Variants in MRPS9 observed in about 807,000 individuals in gnomAD.
MRPS9 encodes mitochondrial ribosomal protein S9.
A neutral mutation model predicts 59.9 loss-of-function variants in MRPS9; 45 were observed. That is an observed-to-expected ratio of 0.75 (90% CI 0.59 to 0.96). The LOEUF is 0.96. Among genes scored for constraint, MRPS9 ranks in the 40% least tolerant of loss-of-function variants. MRPS9 has a pLI of 0.00. For missense variants in MRPS9, 473 were observed against 481.1 expected, an observed-to-expected ratio of 0.98 and a Z score of 0.16; for synonymous variants, 171 against 166.8, an observed-to-expected ratio of 1.03 and a Z score of -0.19.
chr2:105,091,311 C>A (rs1205473379), intron 7 of MRPS9: 1 of 470,920 alleles, frequency 2.1e-6, no homozygotes, highest in Admixed American at 2.3e-5. Context: ...ACCCATAGTG[C>A]CCCTTTGTAG....
intron 2 of MRPS9, among the ~76,000 whole-genome samples, chr2:105,057,054 A>G (rs1679804031): frequency 6.6e-6 from 1 of 152,202 alleles, no homozygotes; most frequent in Non-Finnish European, 1.5e-5. Context: ...AAGTATTATA[A>G]CTAAAAAGGA....
chr2:105,061,711 G>C (rs535284930), intron 2 of MRPS9, among the ~76,000 whole-genome samples: 3 of 152,080 alleles, frequency 2.0e-5, no homozygotes, highest in Admixed American at 6.6e-5. Flanking sequence ...GCACTGCCTG[G>C]GGGGAGGAGC....
chr2:105,078,940 G>A (rs373996443), intron 4 of MRPS9, among the ~76,000 whole-genome samples: 3 of 152,078 alleles, frequency 2.0e-5, no homozygotes, highest in Admixed American at 1.3e-4. Context: ...GGTTCACGGG[G>A]GTGGGGAAAC....
intron 4 of MRPS9, among the ~76,000 whole-genome samples, chr2:105,079,036 A>C (rs1680273595): frequency 6.6e-6 from 1 of 152,062 alleles, no homozygotes; most frequent in African/African-American, 2.4e-5. Context: ...TTAACATTTC[A>C]TGCGGGGGCG....
At position 105,039,321 on chromosome 2, in the gene MRPS9, T is replaced by G. The variant is rs193188970; in HGVS notation, c.135+1094T>G. 3.1e-3 allele frequency among the ~76,000 whole-genome samples: 465 copies of G among 152,018 alleles called. 2 individuals carry two copies. The highest frequency in any genetic ancestry group is 0.011 in the African/African-American group (437 of 41,514). The stretch of plus-strand genomic sequence containing the variant: ...TATCTATTCATGTGGACATTTGTTT[T>G]TTTTTTTTTTCTTACTGGAAAATGT... On this transcript the variant is annotated intron_variant, in intron 1 of 10. Coordinates refer to ENST00000258455, the MANE Select transcript of MRPS9 (RefSeq NM_182640.3).
chr2:105,055,623 A>G (rs935524971), intron 2 of MRPS9, among the ~76,000 whole-genome samples: 6 of 151,646 alleles, frequency 4.0e-5, no homozygotes, highest in African/African-American at 7.3e-5. Context: ...AATATAGCGG[A>G]CCCCCTCCAC....
At chr2:105,057,013 A>T (rs1357011973) in intron 2 of MRPS9, among the ~76,000 whole-genome samples, 1 of 152,194 alleles carries the variant, frequency 6.6e-6, no homozygotes, top group African/African-American at 2.4e-5. Flanking sequence ...TAAGTTTACA[A>T]GAAAAATATT....
chr2:105,068,833 T>C (rs1009773529), intron 2 of MRPS9, among the ~76,000 whole-genome samples: 1 of 152,256 alleles, frequency 6.6e-6, no homozygotes, highest in African/African-American at 2.4e-5. Context: ...CCCTCATTTA[T>C]TCAGCCAGCC....
In MRPS9 at chr2:105,078,070, C is replaced by T. The variant is rs371578575; in HGVS notation, c.410-1913C>T. On this transcript the variant is annotated intron_variant, in intron 4 of 10. Coordinates refer to ENST00000258455, the MANE Select transcript of MRPS9 (RefSeq NM_182640.3). ...TGCTAATTAAAATGGTGGTTACTGA[C>T]GCAGAGTAGACAGACCAATGAGCAA... Among the ~76,000 whole-genome samples the T allele has an allele frequency of 9.3e-4, 141 of 151,710 alleles. 1 individual carries two copies. Among genetic ancestry groups the T allele is most frequent in the African/African-American group, 3.3e-3 (135 of 41,300 alleles).
intron 1 of MRPS9, among the ~76,000 whole-genome samples, chr2:105,040,951 T>G (rs531510137): frequency 1.2e-4 from 19 of 152,242 alleles, no homozygotes; most frequent in Admixed American, 5.2e-4. Context: ...AAGGAAGATA[T>G]AATAGGTGCA....
At chr2:105,055,690 A>G (rs573820652) in intron 2 of MRPS9, among the ~76,000 whole-genome samples, 1 of 152,350 alleles carries the variant, frequency 6.6e-6, no homozygotes, top group African/African-American at 2.4e-5. Context: ...GACAACCGTT[A>G]CCAAAGAATT....
At chr2:105,069,220 T>TC (rs1680061411) in intron 2 of MRPS9, among the ~76,000 whole-genome samples, 2 of 151,004 alleles carry the variant, frequency 1.3e-5, no homozygotes, top group Middle Eastern at 3.4e-3. Flanking sequence ...CAATCTTTTT[T>TC]TTTTTTTTTT....
intron 1 of MRPS9, among the ~76,000 whole-genome samples, chr2:105,043,098 C>G (rs1679529106): frequency 6.6e-6 from 1 of 152,000 alleles, no homozygotes; most frequent in Non-Finnish European, 1.5e-5. Context: ...ACAGAATGAA[C>G]AGTAATTTCT....
intron 1 of MRPS9, among the ~76,000 whole-genome samples, chr2:105,047,180 A>G (rs1241177269): frequency 1.3e-5 from 2 of 151,980 alleles, no homozygotes; most frequent in East Asian, 1.9e-4. Flanking sequence ...GCAATACTGT[A>G]TCTTCACAAA....
intron 2 of MRPS9, among the ~76,000 whole-genome samples, chr2:105,060,017 T>TAAAA (rs10547330): frequency 0.012 from 1,222 of 100,558 alleles, 38 homozygotes; most frequent in Middle Eastern, 0.044. Context: ...GGAAAACTGC[T>TAAAA]AAAAAAAAAA....
chr2:105,052,089 T>A (rs962409569), intron 2 of MRPS9, among the ~76,000 whole-genome samples: 1 of 143,558 alleles, frequency 7.0e-6, no homozygotes, highest in African/African-American at 2.6e-5. Flanking sequence ...TTTTACTTCA[T>A]TTTTCCTATT....
At chr2:105,073,840 T>C (rs980392231) in intron 4 of MRPS9, among the ~76,000 whole-genome samples, 1 of 152,196 alleles carries the variant, frequency 6.6e-6, no homozygotes, top group Non-Finnish European at 1.5e-5. Context: ...TGCACCAACA[T>C]TTAGCATCGA....
chr2:105,049,082 C>T, intron 1 of MRPS9, 89 bp from the exon 2 acceptor site: 1 of 892,208 alleles, frequency 1.1e-6, no homozygotes, highest in South Asian at 1.9e-5. Flanking sequence ...AAGATAACTA[C>T]TTGCATATAC....
In MRPS9 at chr2:105,065,561, C is replaced by A. The variant is rs1321942603; in HGVS notation, c.316-5752C>A. 2.0e-5 allele frequency among the ~76,000 whole-genome samples: 3 copies of A among 152,114 alleles called. No individual in the cohort carries two copies. In the East Asian group the frequency reaches 5.8e-4, roughly 29 times the overall value. ...AGATAAAATTGATATCCTTGCACAT[C>A]AGAATCACTGGGAGTGGTAGTATTT... On this transcript the variant is annotated intron_variant, in intron 2 of 10. Coordinates refer to ENST00000258455, the MANE Select transcript of MRPS9 (RefSeq NM_182640.3).
Sources: gnomAD v4.1 joint callset for allele counts (sites outside exome capture counted in the v4.1 genomes callset) on GRCh38, gnomAD v4.1.1 for gene constraint, MANE v1.5 for transcripts, NCBI Gene and HGNC (gene_info 2026-07-23, HGNC 2026-07-21) for gene names.